GRK7: variants seen among roughly 807,000 people sequenced by gnomAD.
GRK7 encodes the protein rhodopsin kinase GRK7.
GRK7 carries 24 observed loss-of-function variants against 34.1 expected under a neutral mutation model. The ratio of observed to expected loss-of-function variants is 0.70; its 90% CI spans 0.51 to 0.99. The LOEUF (loss-of-function observed/expected upper bound fraction) is 0.99, where lower values mean the gene tolerates loss of function less well. Ranked by LOEUF, GRK7 falls within the 50% of genes least tolerant of loss-of-function variation. GRK7 has a pLI of 0.00. For synonymous variants in GRK7, 256 were observed against 279.4 expected (o/e 0.92, Z 0.84); for missense variants, 644 against 707.3 (o/e 0.91, Z 1.02).
intron 5 of GRK7, among the ~76,000 whole-genome samples, chr3:141,815,792 G>A (rs1711146591): frequency 1.3e-5 from 2 of 151,900 alleles, no homozygotes; most frequent in Non-Finnish European, 2.9e-5. Flanking sequence ...GGAGGCTCAT[G>A]TGATACAGGA....
intron 1 of GRK7, among the ~76,000 whole-genome samples, chr3:141,771,529 G>A (rs999421924): frequency 2.0e-5 from 3 of 147,040 alleles, no homozygotes; most frequent in East Asian, 2.0e-4. Context: ...ACTAAAGTCT[G>A]GGAAGGATGG....
At chr3:141,811,242 TGGG>T (rs1401460141) in intron 5 of GRK7, among the ~76,000 whole-genome samples, 2 of 151,648 alleles carry the variant, frequency 1.3e-5, no homozygotes, top group African/African-American at 4.9e-5. Flanking sequence ...AGCTTGAACC[TGGG>T]AGGCGGAGGT....
Position 141,817,187 on chromosome 3 carries a change from C to G in GRK7, c.*137C>G, listed in dbSNP as rs1711164255. 1.6e-6 allele frequency: 1 copy of G among 626,046 alleles called. No individual in the cohort carries two copies. Among genetic ancestry groups the G allele is most frequent in the East Asian group, 2.7e-5 (1 of 36,588 alleles). 38.8% of individuals were successfully genotyped at this position (626,046 alleles called of 1,614,324 possible). A position where few individuals can be genotyped will look rare whatever the true frequency, so the allele number is the denominator to read the frequency against. On this transcript the variant is annotated 3_prime_UTR_variant, in exon 6 of 6. Coordinates refer to ENST00000682958, the MANE Select transcript of GRK7 (RefSeq NM_139209.3). ...ACCACAAAACAATTCAAAAGACAGG[C>G]AAGCTCACTACTAGAACACATTTTA... is the stretch of plus-strand genomic sequence containing the variant.
At chr3:141,788,106 G>A (rs2084705393) in intron 4 of GRK7, among the ~76,000 whole-genome samples, 1 of 152,198 alleles carries the variant, frequency 6.6e-6, no homozygotes, top group African/African-American at 2.4e-5. Flanking sequence ...TAGAACTTTG[G>A]ACATGAGTCT....
chr3:141,784,092 A>G (rs2084684606), intron 4 of GRK7, among the ~76,000 whole-genome samples: 1 of 152,086 alleles, frequency 6.6e-6, no homozygotes, highest in African/African-American at 2.4e-5. Flanking sequence ...GGCTTAGGGG[A>G]CACATAGAGC....
rs75475801 is a variant in GRK7 at position 141,765,723 on chromosome 3, A to G, written c.-230A>G. On this transcript the variant is annotated 5_prime_UTR_variant, in exon 1 of 6. Transcript: ENST00000682958. ...ACCGATCCCCCAGCTGAATGCAACC[A>G]TAAGAGTGAGTCCAGGTGAGACCAG... 3.8e-3 allele frequency among the ~76,000 whole-genome samples: 572 copies of G among 152,278 alleles called. 1 individual carries two copies. Among genetic ancestry groups the G allele is most frequent in the African/African-American group, 0.013 (557 of 41,568 alleles).
Position 141,817,038 on chromosome 3 carries a change from T to G in GRK7, c.1650T>G (p.Cys550Trp). The change falls in exon 6 of 6, where the codon TGT becomes TGG. Residue 550 changes from cysteine (C) to tryptophan (W), a missense_variant. Physicochemically the swap from Cys to Trp is radical, Grantham distance 215. Coordinates refer to ENST00000682958, the MANE Select transcript of GRK7 (RefSeq NM_139209.3). ...EEGNSSKSGV[C>W]LLL is the part of the protein sequence containing the mutation. ...GTAATTCATCCAAGTCTGGCGTGTG[T>G]TTGTTATTGTAAATTGCTCTCTTTA... is the stretch of plus-strand genomic sequence containing the variant. 1.3e-6 allele frequency: 2 copies of G among 1,597,220 alleles called. No individual in the cohort carries two copies. Among genetic ancestry groups the G allele is most frequent in the African/African-American group, 2.7e-5 (2 of 74,542 alleles).
At chr3:141,807,367 G>A (rs1190149705) in intron 4 of GRK7, among the ~76,000 whole-genome samples, 3 of 152,172 alleles carry the variant, frequency 2.0e-5, no homozygotes, top group Non-Finnish European at 4.4e-5. Context: ...TCCCACATCA[G>A]GAGCAGCTAC....
the GRK7 span, among the ~76,000 whole-genome samples, chr3:141,752,794 C>T: frequency 6.6e-6 from 1 of 152,132 alleles, no homozygotes; most frequent in Non-Finnish European, 1.5e-5. Flanking sequence ...AGTCCTAACC[C>T]CCAATGTGAT....
rs948306856 is a variant in GRK7, at chr3:141,818,948, C to T, written c.*1898C>T. ...ACCTGCGGCTCACTTTCCCGCTCCT[C>T]CTCCATCCTCAGCATGCTCCCTAAT... On this transcript the variant is annotated 3_prime_UTR_variant, in exon 6 of 6. Transcript: ENST00000682958. 6.6e-6 allele frequency among the ~76,000 whole-genome samples: 1 copy of T among 152,354 alleles called. No homozygotes were observed. Among genetic ancestry groups the T allele is most frequent in the Non-Finnish European group, 1.5e-5 (1 of 68,030 alleles).
chr3:141,807,674 G>T lies in GRK7; in HGVS notation c.1080G>T (p.Glu360Asp). 6.2e-7 allele frequency: 1 copy of T among 1,614,162 alleles called. No individual in the cohort carries two copies. The highest frequency in any genetic ancestry group is 8.5e-7 in the Non-Finnish European group (1 of 1,179,982). Residue 360 changes from glutamate (E) to aspartate (D), a missense_variant, in exon 5 of 6, where the codon GAG becomes GAT. Transcript: ENST00000682958. ...RAGTNGYMAP[E>D]ILMEKVSYSY... ...GAACCAATGGTTACATGGCTCCTGA[G>T]ATCCTAATGGAAAAGGTAAGTTATT...
the GRK7 span, among the ~76,000 whole-genome samples, chr3:141,756,972 TATTA>T: frequency 6.6e-6 from 1 of 152,134 alleles, no homozygotes; most frequent in Non-Finnish European, 1.5e-5. Flanking sequence ...GAAAATGTTT[TATTA>T]ATTCCATCTC....
the GRK7 span, among the ~76,000 whole-genome samples, chr3:141,753,282 A>G: frequency 3.3e-5 from 5 of 152,302 alleles, no homozygotes; most frequent in African/African-American, 1.2e-4. Flanking sequence ...TTATAGAGAT[A>G]TTTTAGAGCT....
At chr3:141,774,940 C>A (rs2084632519) in intron 2 of GRK7, among the ~76,000 whole-genome samples, 1 of 151,986 alleles carries the variant, frequency 6.6e-6, no homozygotes, top group Non-Finnish European at 1.5e-5. Context: ...CTACAGGAGT[C>A]CGCCACCATG....
At position 141,777,322 on chromosome 3, in the gene GRK7, C is replaced by CTTTTTTTTTTTTTTTTTTTTTTTTTTTTT. The variant is rs770173065; in HGVS notation, c.-113-830_-113-829insTTTTTTTTTTTTTTTTTTTTTTTTTTTTT. Among the ~76,000 whole-genome samples, 9 of 52,876 alleles carry CTTTTTTTTTTTTTTTTTTTTTTTTTTTTT rather than the reference C, an allele frequency of 1.7e-4. 3 individuals carry two copies. Among genetic ancestry groups the CTTTTTTTTTTTTTTTTTTTTTTTTTTTTT allele is most frequent in the Non-Finnish European group, 2.7e-4 (8 of 29,488 alleles). The allele number at this position is 52,876 out of a possible 152,430, so 34.7% of individuals were successfully genotyped here. On this transcript the variant is annotated intron_variant, in intron 2 of 5. Transcript: ENST00000682958. ...TATGTTTTGGGTGGAGATGGCCCCT[C>CTTTTTTTTTTTTTTTTTTTTTTTTTTTTT]TTTTTTTTTTTTTTTTTTTTGAGAC...
the GRK7 span, among the ~76,000 whole-genome samples, chr3:141,755,250 C>G: frequency 6.6e-6 from 1 of 152,134 alleles, no homozygotes; most frequent in Non-Finnish European, 1.5e-5. Context: ...CACCTATAAT[C>G]CTAGCTACTC....
intron 4 of GRK7, among the ~76,000 whole-genome samples, chr3:141,790,752 C>T (rs146730134): frequency 0.019 from 2,931 of 152,112 alleles, 55 homozygotes; most frequent in East Asian, 0.09. Flanking sequence ...TTAGTAGAGT[C>T]GGGGTTTCAC....
upstream of GRK7, among the ~76,000 whole-genome samples, chr3:141,762,232 C>T (rs555490161): frequency 2.0e-5 from 3 of 151,968 alleles, no homozygotes; most frequent in East Asian, 5.8e-4. Flanking sequence ...CTGTTTTATC[C>T]CCATCTTTGT....
upstream of GRK7, among the ~76,000 whole-genome samples, chr3:141,760,596 T>C (rs982279043): frequency 6.6e-6 from 1 of 150,804 alleles, no homozygotes; most frequent in Non-Finnish European, 1.5e-5. Flanking sequence ...ATTCTGTTGA[T>C]TTGGGGTGGA....
Sources: gnomAD v4.1 joint callset for allele counts (sites outside exome capture counted in the v4.1 genomes callset) on GRCh38, gnomAD v4.1.1 for gene constraint, MANE v1.5 for transcripts, NCBI Gene and HGNC (gene_info 2026-07-23, HGNC 2026-07-21) for gene names.